Variants in TBC1D19 observed in about 807,000 individuals in gnomAD.
TBC1D19 encodes the protein TBC1 domain family member 19.
A neutral mutation model predicts 89.0 loss-of-function variants in TBC1D19; 60 were observed. The observed-to-expected ratio is 0.67, with a 90% CI of 0.55 to 0.84. TBC1D19 has a LOEUF of 0.84. Ranked by LOEUF, TBC1D19 falls within the 40% of genes least tolerant of loss-of-function variation. The pLI is 0.00. For missense variants in TBC1D19, 500 were observed against 610.8 expected (o/e 0.82, Z 1.91); for synonymous variants, 189 against 199.7 (o/e 0.95, Z 0.45).
intron 13 of TBC1D19, among the ~76,000 whole-genome samples, chr4:26,689,672 C>T (rs1714109368): frequency 6.6e-6 from 1 of 152,066 alleles, no homozygotes. Flanking sequence ...GATGTTACTA[C>T]TGTAATTATT....
chr4:26,611,201 CAT>C (rs1741360678), intron 1 of TBC1D19, among the ~76,000 whole-genome samples: 1 of 151,940 alleles, frequency 6.6e-6, no homozygotes, highest in Non-Finnish European at 1.5e-5. Flanking sequence ...TGATTAGTGA[CAT>C]TGAGTATTTT....
chr4:26,775,185 C>T, the TBC1D19 span, among the ~76,000 whole-genome samples: 2 of 152,212 alleles, frequency 1.3e-5, no homozygotes, highest in Non-Finnish European at 2.9e-5. Context: ...GATGCAGTGG[C>T]TTACACCTGT....
At chr4:26,628,883 T>G (rs1742611043) in intron 4 of TBC1D19, among the ~76,000 whole-genome samples, 1 of 151,908 alleles carries the variant, frequency 6.6e-6, no homozygotes, top group Non-Finnish European at 1.5e-5. Flanking sequence ...TGGAAGAACA[T>G]TCCATGCTCA....
downstream of TBC1D19, among the ~76,000 whole-genome samples, chr4:26,757,588 A>C (rs1358201657): frequency 6.6e-6 from 1 of 152,198 alleles, no homozygotes; most frequent in Non-Finnish European, 1.5e-5. Flanking sequence ...GGTTTTGTTG[A>C]GAATGCTCTG....
intron 13 of TBC1D19, among the ~76,000 whole-genome samples, chr4:26,699,689 A>G (rs1223172775): frequency 6.6e-6 from 1 of 152,210 alleles, no homozygotes; most frequent in East Asian, 1.9e-4. Context: ...AGCCATAAAA[A>G]ATGATGAGTT....
In TBC1D19 at chr4:26,754,899, A is replaced by T; in HGVS notation, c.1533A>T (p.Leu511Phe). Reference protein sequence around the residue: ...AEAVLADLSTLKVMPLLQIFL... With the variant: ...AEAVLADLSTFKVMPLLQIFL... ...CAGTTCTTGCTGACCTTTCTACTTTAAAAGTTATGCCTCTTCTTCAGATTT... is the reference window on the plus strand; with the variant it reads ...CAGTTCTTGCTGACCTTTCTACTTTTAAAGTTATGCCTCTTCTTCAGATTT... The change falls in exon 21 of 21, where the codon TTA becomes TTT. Residue 511 changes from leucine to phenylalanine, a missense_variant. By Grantham distance (22) the Leu-to-Phe change is conservative. Around this residue, in one of 2 missense-constraint regions of TBC1D19, gnomAD observed 220 missense variants for 319.1 expected, o/e 0.69. Coordinates refer to ENST00000264866, the MANE Select transcript of TBC1D19 (RefSeq NM_018317.4). The T allele has an allele frequency of 6.2e-7, 1 of 1,603,856 alleles. No individual in the cohort carries two copies. Among genetic ancestry groups the T allele is most frequent in the East Asian group, 2.3e-5 (1 of 43,992 alleles).
chr4:26,653,572 A>G (rs769599184), intron 7 of TBC1D19, among the ~76,000 whole-genome samples: 7 of 152,124 alleles, frequency 4.6e-5, no homozygotes, highest in Non-Finnish European at 5.9e-5. Context: ...TTGGGTGCAT[A>G]TATATTTAGG....
chr4:26,634,647 T>G (rs897408024), intron 4 of TBC1D19, among the ~76,000 whole-genome samples: 2 of 152,204 alleles, frequency 1.3e-5, no homozygotes, highest in African/African-American at 4.8e-5. Context: ...TCTGAAAGTA[T>G]ATATACGTTT....
chr4:26,725,460 G>A (rs1717253936), intron 15 of TBC1D19, among the ~76,000 whole-genome samples: 1 of 151,916 alleles, frequency 6.6e-6, no homozygotes, highest in Admixed American at 6.6e-5. Flanking sequence ...CGTCCAGGCT[G>A]GAATGCAGTG....
intron 4 of TBC1D19, among the ~76,000 whole-genome samples, chr4:26,621,503 A>G (rs1742045312): frequency 6.6e-6 from 1 of 152,210 alleles, no homozygotes; most frequent in Non-Finnish European, 1.5e-5. Flanking sequence ...AAGAACTCCC[A>G]TGAACCCATC....
the TBC1D19 span, among the ~76,000 whole-genome samples, chr4:26,829,305 T>A: frequency 6.6e-6 from 1 of 152,226 alleles, no homozygotes; most frequent in Non-Finnish European, 1.5e-5. Flanking sequence ...AAAGTTTCTT[T>A]GAATGTCCCA....
intron 10 of TBC1D19, among the ~76,000 whole-genome samples, chr4:26,673,091 G>T (rs1193915302): frequency 6.6e-6 from 1 of 151,442 alleles, no homozygotes. Flanking sequence ...CTTTATTAAA[G>T]AAAATAAAAA....
At chr4:26,657,795 G>T (rs1161242538) in intron 7 of TBC1D19, among the ~76,000 whole-genome samples, 35 of 152,130 alleles carry the variant, frequency 2.3e-4, no homozygotes, top group Non-Finnish European at 4.4e-5. Flanking sequence ...GTGTGAGATG[G>T]TTTCTCATTG....
At chr4:26,670,242 A>G (rs1427937626) in intron 9 of TBC1D19, among the ~76,000 whole-genome samples, 1 of 150,674 alleles carries the variant, frequency 6.6e-6, no homozygotes, top group African/African-American at 2.4e-5. Context: ...CATTTTATAT[A>G]TATAAATGAT....
intron 7 of TBC1D19, among the ~76,000 whole-genome samples, chr4:26,642,680 G>T (rs1461962603): frequency 3.3e-5 from 5 of 152,146 alleles, no homozygotes; most frequent in African/African-American, 1.2e-4. Flanking sequence ...GTATTCAGGA[G>T]ACTCATCTCA....
At chr4:26,718,748 T>C (rs545197577) in intron 14 of TBC1D19, among the ~76,000 whole-genome samples, 2 of 152,236 alleles carry the variant, frequency 1.3e-5, no homozygotes, top group East Asian at 3.9e-4. Flanking sequence ...CTTAGGTCCA[T>C]TGCTTCTAAA....
intron 13 of TBC1D19, among the ~76,000 whole-genome samples, chr4:26,710,747 T>C (rs145820610): frequency 0.015 from 2,322 of 152,296 alleles, 54 homozygotes; most frequent in African/African-American, 0.051. Context: ...TGGTATCTCA[T>C]TGTGGTTTTG....
chr4:26,760,524 C>T (rs1340973080), downstream of TBC1D19, among the ~76,000 whole-genome samples: 1 of 152,100 alleles, frequency 6.6e-6, no homozygotes, highest in Non-Finnish European at 1.5e-5. Flanking sequence ...CTGCAGTGAG[C>T]TGTGATCCCG....
exon 1 of TBC1D19, chr4:26,576,727 C>T: frequency 2.2e-6 from 1 of 456,138 alleles, no homozygotes; most frequent in Non-Finnish European, 4.4e-6. Flanking sequence ...GGGCAGAGAG[C>T]CACAGAGCCA....
Sources: gnomAD v4.1 joint callset for allele counts (sites outside exome capture counted in the v4.1 genomes callset) on GRCh38, gnomAD v4.1.1 for gene constraint, gnomAD v4.1.1 regional missense constraint, MANE v1.5 for transcripts, NCBI Gene and HGNC (gene_info 2026-07-23, HGNC 2026-07-21) for gene names.